SNRPD3: variants seen among roughly 807,000 people sequenced by gnomAD.
The protein encoded by SNRPD3 is small nuclear ribonucleoprotein Sm D3.
For missense variants in SNRPD3, 73 were observed against 167.5 expected (o/e 0.44, Z 3.11); for synonymous variants, 66 against 58.4 (o/e 1.13, Z -0.59).
rs2045270830 is a variant in SNRPD3, at chr22:24,574,194, CTT to C, written c.*2220_*2221del. ...ACTGCATCCTCGATATCAAAAGCGA[CTT>C]TTGATGTAGTTCACTCTGGACCCGT... On this transcript the variant is annotated 3_prime_UTR_variant, in exon 4 of 4. Transcript: ENST00000215829. Among the ~76,000 whole-genome samples, 1 of 152,182 alleles carries C rather than the reference CTT, an allele frequency of 6.6e-6. No individual in the cohort carries two copies. The highest frequency in any genetic ancestry group is 6.5e-5 in the Admixed American group (1 of 15,280).
In SNRPD3 at chr22:24,570,072, G is replaced by A. The variant is rs140762045; in HGVS notation, c.320-1844G>A. Among the ~76,000 whole-genome samples the A allele has an allele frequency of 4.4e-3, 664 of 152,338 alleles. 29 individuals carry two copies. In the East Asian group the frequency reaches 0.1, roughly 24 times the overall value. Reference sequence around the variant, plus strand: ...AAATGCCATTAGACAAAATGGGTGTGATCTAACACTAATAGACGGGGTTGG... The same window carrying A: ...AAATGCCATTAGACAAAATGGGTGTAATCTAACACTAATAGACGGGGTTGG... On this transcript the variant is annotated intron_variant, in intron 3 of 3. Transcript: ENST00000215829.
chr22:24,558,123 C>T (rs2045098291), intron 2 of SNRPD3: 2 of 181,318 alleles, frequency 1.1e-5, no homozygotes. Flanking sequence ...GGCCATTATC[C>T]ATTTGCCTCC....
chr22:24,562,383 A>G (rs1256318332), intron 2 of SNRPD3, among the ~76,000 whole-genome samples: 1 of 152,124 alleles, frequency 6.6e-6, no homozygotes, highest in African/African-American at 2.4e-5. Context: ...CTACTAAAAA[A>G]AATACAAAAA....
chr22:24,567,251 C>T (rs1023579632), intron 2 of SNRPD3, among the ~76,000 whole-genome samples: 1 of 152,168 alleles, frequency 6.6e-6, no homozygotes, highest in African/African-American at 2.4e-5. Context: ...CCAGGCAGTG[C>T]AGGGGAAGAC....
At chr22:24,560,404 G>A (rs1411438961) in intron 2 of SNRPD3, among the ~76,000 whole-genome samples, 1 of 141,922 alleles carries the variant, frequency 7.0e-6, no homozygotes, top group African/African-American at 2.6e-5. Flanking sequence ...TTACAGATGT[G>A]AGCCACCATG....
At chr22:24,564,479 A>G (rs2045176941) in intron 2 of SNRPD3, among the ~76,000 whole-genome samples, 1 of 152,210 alleles carries the variant, frequency 6.6e-6, no homozygotes, top group South Asian at 2.1e-4. Flanking sequence ...GGCTTGTGAT[A>G]CAAACACAGG....
upstream of SNRPD3, chr22:24,555,664 C>G (rs770429268): frequency 1.9e-6 from 3 of 1,550,654 alleles, no homozygotes; most frequent in South Asian, 2.4e-5. Flanking sequence ...AGTCCTGGCC[C>G]TTGGCCCAAC....
chr22:24,557,141 G>A (rs2045081247), intron 1 of SNRPD3, among the ~76,000 whole-genome samples: 2 of 152,158 alleles, frequency 1.3e-5, no homozygotes, highest in Non-Finnish European at 2.9e-5. Context: ...TGGGATTGAG[G>A]GACTGGGTTT....
chr22:24,561,724 C>T (rs1259510363), intron 2 of SNRPD3, among the ~76,000 whole-genome samples: 1 of 152,146 alleles, frequency 6.6e-6, no homozygotes, highest in Non-Finnish European at 1.5e-5. Context: ...TGGGGTGGGA[C>T]AAAATGTGGT....
intron 3 of SNRPD3, 106 bp from the exon 4 acceptor site, chr22:24,571,810 A>T: frequency 9.5e-7 from 1 of 1,049,604 alleles, no homozygotes; most frequent in South Asian, 1.4e-5. Context: ...GGACCAGGTA[A>T]CCCTTCAGAA....
chr22:24,571,691 C>G (rs1265382083), intron 3 of SNRPD3, among the ~76,000 whole-genome samples: 1 of 151,684 alleles, frequency 6.6e-6, no homozygotes, highest in Non-Finnish European at 1.5e-5. Flanking sequence ...TTGCAGTGAG[C>G]CGAGATCATG....
At chr22:24,561,993 C>T (rs936195713) in intron 2 of SNRPD3, among the ~76,000 whole-genome samples, 2 of 150,326 alleles carry the variant, frequency 1.3e-5, no homozygotes, top group Non-Finnish European at 3.0e-5. Context: ...GGAGTGAGAC[C>T]TAGTCTCACA....
chr22:24,559,407 G>A (rs2045111326), intron 2 of SNRPD3, among the ~76,000 whole-genome samples: 1 of 152,182 alleles, frequency 6.6e-6, no homozygotes, highest in South Asian at 2.1e-4. Context: ...TTAATTTGGT[G>A]AGGAGAATGC....
chr22:24,561,168 G>C (rs1013033099), intron 2 of SNRPD3, among the ~76,000 whole-genome samples: 4 of 149,050 alleles, frequency 2.7e-5, no homozygotes, highest in Non-Finnish European at 5.9e-5. Flanking sequence ...GGACTTCTGG[G>C]CTCAAGAGAT....
In SNRPD3 at chr22:24,560,715, C is replaced by CCTT. The variant is rs1569024539; in HGVS notation, c.126+2915_126+2916insCTT. Among the ~76,000 whole-genome samples the CCTT allele has an allele frequency of 1.0e-4, 10 of 98,864 alleles. 4 individuals carry two copies. The highest frequency in any genetic ancestry group is 7.2e-4 in the South Asian group (2 of 2,776). 64.9% of individuals were successfully genotyped at this position (98,864 alleles called of 152,430 possible). On this transcript the variant is annotated intron_variant, in intron 2 of 3. Coordinates refer to ENST00000215829, the MANE Select transcript of SNRPD3 (RefSeq NM_004175.5). ...ACAGGCGTGAGCCACTGCACCTGGC[C>CCTT]TTTTTTTTTTTTTTTTTTTTTTTTT... is the stretch of plus-strand genomic sequence containing the variant.
chr22:24,567,855 G>T, intron 2 of SNRPD3, 129 bp from the exon 3 acceptor site: 1 of 678,170 alleles, frequency 1.5e-6, no homozygotes, highest in South Asian at 1.9e-5. Flanking sequence ...ACCGATGATT[G>T]CTGGGTAATT....
At chr22:24,565,917 G>A (rs1381672998) in intron 2 of SNRPD3, among the ~76,000 whole-genome samples, 2 of 152,078 alleles carry the variant, frequency 1.3e-5, no homozygotes, top group African/African-American at 2.4e-5. Flanking sequence ...AAAGTGCTGG[G>A]ATTACAGGCA....
intron 2 of SNRPD3, among the ~76,000 whole-genome samples, chr22:24,563,409 A>G (rs1420968505): frequency 6.6e-6 from 1 of 151,956 alleles, no homozygotes; most frequent in Non-Finnish European, 1.5e-5. Context: ...TCTGAGGTTA[A>G]GCTGGGAAGG....
intron 1 of SNRPD3, 31 bp downstream of exon 1, chr22:24,556,102 A>AG (rs2045057705): frequency 1.8e-6 from 1 of 560,976 alleles, no homozygotes; most frequent in South Asian, 2.2e-5. Flanking sequence ...GGGGAGGTCG[A>AG]GGCGCCTGTG....
Sources: allele counts gnomAD v4.1 joint callset (sites outside exome capture counted in the v4.1 genomes callset), GRCh38; gene constraint gnomAD v4.1.1; transcripts MANE v1.5; gene names NCBI Gene and HGNC (gene_info 2026-07-23, HGNC 2026-07-21).